PXN: variants seen among roughly 807,000 people sequenced by gnomAD.
PXN encodes paxillin.
In PXN, 61 loss-of-function variants were observed where a neutral mutation model predicts 103.6. The ratio of observed to expected loss-of-function variants is 0.59; its 90% CI spans 0.48 to 0.73. PXN has a LOEUF of 0.73. Ranked by LOEUF, PXN falls within the 30% of genes least tolerant of loss-of-function variation. The pLI, the probability that PXN is intolerant of heterozygous loss-of-function variation, is 0.00. For missense variants in PXN, 1,274 were observed against 1,460.3 expected (o/e 0.87, Z 2.08); for synonymous variants, 562 against 607.8 (o/e 0.92, Z 1.11).
Position 120,220,015 on chromosome 12 carries a change from G to A in PXN, c.908C>T (p.Pro303Leu), listed in dbSNP as rs1837986364. The A allele has an allele frequency of 1.9e-6, 3 of 1,549,938 alleles. No individual in the cohort carries two copies. The highest frequency in any genetic ancestry group is 2.7e-5 in the African/African-American group (2 of 73,678). The change falls in exon 7 of 15, where the codon CCT (proline) becomes CTT (leucine). Residue 303 changes from proline to leucine, a missense_variant. By Grantham distance (98) the Pro-to-Leu change is moderately conservative. Coordinates refer to ENST00000637617, the MANE Select transcript of PXN (RefSeq NM_001385981.1). This position sits in a 1 kb window ranked among gnomAD's most constrained non-coding sequence, Gnocchi z 6.1. Reference sequence around the variant, plus strand: ...TACAGATGGCATGGGAGGAGGAGAAGGAGGAAGGGAGCAGTATGAGGACGG... The same window carrying A: ...TACAGATGGCATGGGAGGAGGAGAAAGAGGAAGGGAGCAGTATGAGGACGG... Reference protein sequence around the residue: ...SAPSSYCSLPPSPPPMPSVFL... With the variant: ...SAPSSYCSLPLSPPPMPSVFL...
intron 1 of PXN, among the ~76,000 whole-genome samples, chr12:120,230,956 A>C (rs1265694128): frequency 2.0e-5 from 3 of 152,196 alleles, no homozygotes; most frequent in South Asian, 2.1e-4. Flanking sequence ...TCCAGAGAGC[A>C]GGGGCCTTGT....
chr12:120,221,276 C>G lies in PXN; in HGVS notation c.831+347G>C, dbSNP rs904549205. 5.2e-4 allele frequency among the ~76,000 whole-genome samples: 79 copies of G among 152,312 alleles called. No homozygotes were observed. The highest frequency in any genetic ancestry group is 3.7e-3 in the Admixed American group (56 of 15,308). ...TGGCCCAGCAGAGAATGCCCTCCCC[C>G]ACCCAGAGCAGCCATCAACACAAGG... On this transcript the variant is annotated intron_variant, in intron 6 of 14. Transcript: ENST00000637617. This position sits in a 1 kb window ranked among gnomAD's most constrained non-coding sequence, Gnocchi z 6.6.
intron 1 of PXN, among the ~76,000 whole-genome samples, chr12:120,236,236 G>A (rs567522266): frequency 6.6e-6 from 1 of 152,354 alleles, no homozygotes; most frequent in South Asian, 2.1e-4. Context: ...ACTGGCTCTC[G>A]ACCCTGACGT....
At chr12:120,263,315 G>C (rs542885391) in intron 1 of PXN, among the ~76,000 whole-genome samples, 37 of 152,294 alleles carry the variant, frequency 2.4e-4, no homozygotes, top group African/African-American at 8.4e-4. Flanking sequence ...CCCAGGCTCC[G>C]GTCAGTCAGG....
At position 120,216,979 on chromosome 12, in the gene PXN, C is replaced by G. The variant is rs1371979020; in HGVS notation, c.1854G>C (p.Gln618His). Residue 618 changes from glutamine to histidine, a missense_variant, in exon 8 of 15, where the codon CAG becomes CAC. Gln to His is a conservative substitution (Grantham distance 24). Coordinates refer to ENST00000637617, the MANE Select transcript of PXN (RefSeq NM_001385981.1). The surrounding 1 kb of genome is among the most constrained non-coding windows in gnomAD (Gnocchi z 5.1). ...PSQEQLIAEL[Q>H]GRLGIQPEAE... ...CCTCAGGCTGGATGCCCAGCCGCCC[C>G]TGCAGCTCCGCGATGAGCTGTTCCT... 1.4e-5 allele frequency: 22 copies of G among 1,548,404 alleles called. No homozygotes were observed. The highest frequency in any genetic ancestry group is 1.9e-5 in the Non-Finnish European group (22 of 1,153,918).
Position 120,215,881 on chromosome 12 carries a change from C to A in PXN, c.2302-220G>T. Reference sequence around the variant, plus strand: ...GACAGGGAGGGGAGTCGACCAAAGGCAGAGGAAATGGCAAGGGGAGGTGGC... The same window carrying A: ...GACAGGGAGGGGAGTCGACCAAAGGAAGAGGAAATGGCAAGGGGAGGTGGC... On this transcript the variant is annotated intron_variant, in intron 9 of 14. Transcript: ENST00000637617. This position sits in a 1 kb window ranked among gnomAD's most constrained non-coding sequence, Gnocchi z 4.9. The A allele has an allele frequency of 7.4e-7, 1 of 1,354,442 alleles. No individual in the cohort carries two copies. Among genetic ancestry groups the A allele is most frequent in the Non-Finnish European group, 9.6e-7 (1 of 1,039,716 alleles). The allele number at this position is 1,354,442 out of a possible 1,614,324, so 83.9% of individuals were successfully genotyped here.
rs755011394 is a variant in PXN, at chr12:120,215,603, C to T, written c.2360G>A (p.Arg787Gln). 1.1e-5 allele frequency: 18 copies of T among 1,610,648 alleles called. No homozygotes were observed. Among genetic ancestry groups the T allele is most frequent in the Middle Eastern group, 1.7e-4 (1 of 6,044 alleles). Residue 787 changes from arginine (R) to glutamine (Q), a missense_variant, in exon 10 of 15, where the codon CGG becomes CAG. Arg to Gln is a conservative substitution (Grantham distance 43). Transcript: ENST00000637617. This position sits in a 1 kb window ranked among gnomAD's most constrained non-coding sequence, Gnocchi z 4.9. ...GERCWAAGWP[R>Q]DGGRSSPGGQ... ...TCCGGGGCTGCTCCGCCCGCCGTCC[C>T]GAGGCCAGCCGGCCGCCCAGCACCG...
rs201761336 is a variant in PXN, at chr12:120,215,523, C to T, written c.2403+37G>A. The T allele has an allele frequency of 2.3e-5, 36 of 1,540,668 alleles. No individual in the cohort carries two copies. The African/African-American group carries it at 4.0e-4, about 17-fold the overall frequency. On this transcript the variant is annotated intron_variant, in intron 10 of 14. Coordinates refer to ENST00000637617, the MANE Select transcript of PXN (RefSeq NM_001385981.1). The surrounding 1 kb of genome is among the most constrained non-coding windows in gnomAD (Gnocchi z 4.9). The stretch of plus-strand genomic sequence containing the variant: ...GGCATGGCCAAGCCCAGGGAGAGCA[C>T]GACACGCAGGACACCCAGCCCAGCC...
rs1882950041 is a variant in PXN, at chr12:120,216,241, G to A, written c.2301+32C>T. The stretch of plus-strand genomic sequence containing the variant: ...GGATGGCTCAGGCATTAGGACAGGG[G>A]ACAGAAAGGGAGGGGCTCCTTTAAG... On this transcript the variant is annotated intron_variant, in intron 9 of 14. Transcript: ENST00000637617. This position sits in a 1 kb window ranked among gnomAD's most constrained non-coding sequence, Gnocchi z 5.1. 1 of 1,275,252 alleles carries A rather than the reference G, an allele frequency of 7.8e-7. No homozygotes were observed. The highest frequency in any genetic ancestry group is 9.9e-7 in the Non-Finnish European group (1 of 1,014,738). The allele number at this position is 1,275,252 out of a possible 1,614,324, so 79.0% of individuals were successfully genotyped here.
At chr12:120,223,134 G>A in intron 3 of PXN, 135 bp from the exon 4 acceptor site, 9 of 1,453,602 alleles carry the variant, frequency 6.2e-6, no homozygotes, top group Middle Eastern at 4.4e-4. Context: ...AGAGGGTAGG[G>A]AAGGGATGTG....
intron 1 of PXN, among the ~76,000 whole-genome samples, chr12:120,244,268 C>T (rs1380059589): frequency 6.6e-6 from 1 of 151,530 alleles, no homozygotes; most frequent in Non-Finnish European, 1.5e-5. Flanking sequence ...AATCCCAGCA[C>T]TTTGGGAGGC....
chr12:120,229,567 C>T lies in PXN; in HGVS notation c.14-5190G>A, dbSNP rs955694179. Among the ~76,000 whole-genome samples the T allele has an allele frequency of 7.2e-5, 11 of 152,188 alleles. No individual in the cohort carries two copies. The highest frequency in any genetic ancestry group is 2.7e-4 in the African/African-American group (11 of 41,448). ...TTAACTGCTTTTGTGCCTCAGTTTC[C>T]TTGTCTGCCCAATAGGAATTCCACC... On this transcript the variant is annotated intron_variant, in intron 1 of 14. Coordinates refer to ENST00000637617, the MANE Select transcript of PXN (RefSeq NM_001385981.1). This position sits in a 1 kb window ranked among gnomAD's most constrained non-coding sequence, Gnocchi z 4.0.
chr12:120,233,755 C>A (rs1250081907), intron 1 of PXN, among the ~76,000 whole-genome samples: 1 of 152,124 alleles, frequency 6.6e-6, no homozygotes. Context: ...AGAATATGGC[C>A]CCAAACTAAC....
In PXN at chr12:120,224,803, C is replaced by T. The variant is rs980645822; in HGVS notation, c.14-426G>A. 2 of 455,110 alleles carry T rather than the reference C, an allele frequency of 4.4e-6. No homozygotes were observed. Among genetic ancestry groups the T allele is most frequent in the East Asian group, 6.8e-5 (1 of 14,736 alleles). The allele number at this position is 455,110 out of a possible 1,614,324, so 28.2% of individuals were successfully genotyped here. A position where few individuals can be genotyped will look rare whatever the true frequency, so the allele number is the denominator to read the frequency against. On this transcript the variant is annotated intron_variant, in intron 1 of 14. Transcript: ENST00000637617. This position sits in a 1 kb window ranked among gnomAD's most constrained non-coding sequence, Gnocchi z 5.0. ...AGGGGCCCTGGCTATGCCAGGCCCT[C>T]ACTTGATTTCTAAGAGCTTAGGCTT...
chr12:120,222,028 AC>A lies in PXN; in HGVS notation c.696-271del. ...AGCCCAAGCGCCCTGTGTTTCCTCCACAACACTGGACATGGAGGTGAGGCTA... is the reference window on the plus strand; with the variant it reads ...AGCCCAAGCGCCCTGTGTTTCCTCCAAACACTGGACATGGAGGTGAGGCTA... On this transcript the variant is annotated intron_variant, in intron 5 of 14. Coordinates refer to ENST00000637617, the MANE Select transcript of PXN (RefSeq NM_001385981.1). The surrounding 1 kb of genome is among the most constrained non-coding windows in gnomAD (Gnocchi z 4.7). Among the ~76,000 whole-genome samples the A allele has an allele frequency of 6.6e-6, 1 of 152,314 alleles. No homozygotes were observed. The highest frequency in any genetic ancestry group is 2.1e-4 in the South Asian group (1 of 4,830).
In PXN at chr12:120,223,837, C is replaced by T. The variant is rs748305103; in HGVS notation, c.241-4G>A. The T allele has an allele frequency of 1.0e-5, 16 of 1,582,016 alleles. No individual in the cohort carries two copies. In the East Asian group the frequency reaches 1.4e-4, roughly 13 times the overall value. On this transcript the variant is annotated splice_region_variant and splice_polypyrimidine_tract_variant and intron_variant, in intron 2 of 14. Coordinates refer to ENST00000637617, the MANE Select transcript of PXN (RefSeq NM_001385981.1). The stretch of plus-strand genomic sequence containing the variant: ...ACACAGGTGATGAGGACTGAGGCTG[C>T]GAGAAGGAGAATGCTCAGAGGCTAC...
rs1043575543 is a variant in PXN at position 120,214,651 on chromosome 12, C to T, written c.2748+174G>A. Among the ~76,000 whole-genome samples the T allele has an allele frequency of 2.6e-5, 4 of 152,162 alleles. No individual in the cohort carries two copies. Among genetic ancestry groups the T allele is most frequent in the African/African-American group, 4.8e-5 (2 of 41,416 alleles). On this transcript the variant is annotated intron_variant, in intron 12 of 14. Coordinates refer to ENST00000637617, the MANE Select transcript of PXN (RefSeq NM_001385981.1). The surrounding 1 kb of genome is among the most constrained non-coding windows in gnomAD (Gnocchi z 5.0). ...GGAGGTGGGGCTGCCCGATGCACAT[C>T]GGGACAGGCTGTGGTTCAGGTGTGG...
chr12:120,264,414 C>T (rs944325119), intron 1 of PXN: 1 of 152,826 alleles, frequency 6.5e-6, no homozygotes, highest in East Asian at 1.9e-4. Flanking sequence ...CCCCTCCTCA[C>T]CTCCCAAGCT....
chr12:120,251,665 A>C (rs2136633540), intron 1 of PXN, among the ~76,000 whole-genome samples: 1 of 151,750 alleles, frequency 6.6e-6, no homozygotes, highest in Middle Eastern at 3.4e-3. Context: ...AAAAATACAA[A>C]AATTAGCTGG....
Sources: gnomAD v4.1 joint callset for allele counts (sites outside exome capture counted in the v4.1 genomes callset) on GRCh38, gnomAD v4.1.1 for gene constraint, Gnocchi (gnomAD v3.1) non-coding constraint, MANE v1.5 for transcripts, NCBI Gene and HGNC (gene_info 2026-07-23, HGNC 2026-07-21) for gene names.